The following CRISPLD1 variants were observed in gnomAD, a reference collection of about 807,000 sequenced individuals.
CRISPLD1 encodes cysteine-rich secretory protein LCCL domain-containing 1.
In CRISPLD1, 60 loss-of-function variants were observed where a neutral mutation model predicts 77.5. The ratio of observed to expected loss-of-function variants is 0.77; its 90% CI spans 0.63 to 0.96. The LOEUF (loss-of-function observed/expected upper bound fraction) is 0.96. CRISPLD1 is among the 40% of genes least tolerant of loss of function. The probability of loss-of-function intolerance (pLI) is 0.00; values close to 1 mark genes in which losing one functional copy is unlikely to be tolerated. For missense variants in CRISPLD1, 623 were observed against 615.8 expected, an observed-to-expected ratio of 1.01 and a Z score of -0.12; for synonymous variants, 195 against 200.1, an observed-to-expected ratio of 0.97 and a Z score of 0.22.
rs1474531069 is a variant in CRISPLD1 at position 74,985,972 on chromosome 8, C to A, written c.-16C>A. 6.2e-7 allele frequency: 1 copy of A among 1,601,982 alleles called. No individual in the cohort carries two copies. The highest frequency in any genetic ancestry group is 8.5e-7 in the Non-Finnish European group (1 of 1,171,030). On this transcript the variant is annotated 5_prime_UTR_variant, in exon 2 of 15. Coordinates refer to ENST00000262207, the MANE Select transcript of CRISPLD1 (RefSeq NM_031461.6). ...GTCTTGGAGATTTTCCTGGGGAAAT[C>A]CTGAGGTCATTCATTATGAAGTGTA... is the stretch of plus-strand genomic sequence containing the variant.
At position 75,033,083 on chromosome 8, in the gene CRISPLD1, C is replaced by T. The variant is rs1488722679; in HGVS notation, c.*841C>T. 6.6e-6 allele frequency: 1 copy of T among 152,202 alleles called. No individual in the cohort carries two copies. The highest frequency in any genetic ancestry group is 2.4e-5 in the African/African-American group (1 of 41,368). The allele number at this position is 152,202 out of a possible 1,614,324, so 9.4% of individuals were successfully genotyped here. On this transcript the variant is annotated 3_prime_UTR_variant, in exon 15 of 15. Coordinates refer to ENST00000262207, the MANE Select transcript of CRISPLD1 (RefSeq NM_031461.6). ...AACTAATGTATTACATTACCATTGCCACTGATTTTTTTTTAAATGGTAAAT... is the reference window on the plus strand; with the variant it reads ...AACTAATGTATTACATTACCATTGCTACTGATTTTTTTTTAAATGGTAAAT...
rs1812984185 is a variant in CRISPLD1, at chr8:75,014,067, C to T, written c.591C>T (p.Pro197=). 1.2e-6 allele frequency: 2 copies of T among 1,612,724 alleles called. No homozygotes were observed. The highest frequency in any genetic ancestry group is 1.3e-5 in the African/African-American group (1 of 74,880). The change falls in exon 5 of 15, where the codon CCC becomes CCT. Residue 197 remains proline (P), a synonymous_variant. Transcript: ENST00000262207. ...HNMNIWGQIW[P]KAVYLVCNYS... is the part of the protein sequence containing the mutation. ...TGAACATCTGGGGGCAGATATGGCCCAAAGCTGTCTACCTGGTGTGCAATT... is the reference window on the plus strand; with the variant it reads ...TGAACATCTGGGGGCAGATATGGCCTAAAGCTGTCTACCTGGTGTGCAATT...
chr8:75,025,679 C>A, intron 13 of CRISPLD1, 58 bp downstream of exon 13: 2 of 906,668 alleles, frequency 2.2e-6, no homozygotes, highest in Admixed American at 1.8e-5. Flanking sequence ...AATGTATAGA[C>A]ACATTTAAAT....
intron 2 of CRISPLD1, among the ~76,000 whole-genome samples, chr8:74,991,687 T>C (rs933478913): frequency 2.0e-5 from 3 of 152,154 alleles, no homozygotes; most frequent in Non-Finnish European, 4.4e-5. Context: ...TGTGTCACTT[T>C]GCCTGGCTAA....
At chr8:75,031,180 CAT>C (rs1354150810) in intron 14 of CRISPLD1, among the ~76,000 whole-genome samples, 3 of 152,020 alleles carry the variant, frequency 2.0e-5, no homozygotes, top group Non-Finnish European at 2.9e-5. Context: ...CATGCATGCA[CAT>C]GTGTGTATAT....
intron 2 of CRISPLD1, among the ~76,000 whole-genome samples, chr8:74,987,829 T>C (rs1285502629): frequency 6.6e-6 from 1 of 152,182 alleles, no homozygotes; most frequent in Non-Finnish European, 1.5e-5. Context: ...AAATGAAATC[T>C]GAGAATATTT....
chr8:75,025,665 T>C lies in CRISPLD1; in HGVS notation c.1320+44T>C, dbSNP rs749337591. 16 of 979,384 alleles carry C rather than the reference T, an allele frequency of 1.6e-5. No homozygotes were observed. The Admixed American group carries it at 2.6e-4, about 16-fold the overall frequency. 60.7% of individuals were successfully genotyped at this position (979,384 alleles called of 1,614,324 possible). On this transcript the variant is annotated intron_variant, in intron 13 of 14. Transcript: ENST00000262207. The stretch of plus-strand genomic sequence containing the variant: ...ACAGCTGTCAACATTCATGTATATA[T>C]ATAAATGTATAGACACATTTAAATG...
intron 2 of CRISPLD1, among the ~76,000 whole-genome samples, chr8:74,994,276 T>A (rs142995833): frequency 6.6e-6 from 1 of 152,274 alleles, no homozygotes; most frequent in African/African-American, 2.4e-5. Flanking sequence ...TATGTGATCA[T>A]AAAATTAATC....
At chr8:75,011,439 A>T (rs1812929563) in intron 2 of CRISPLD1, among the ~76,000 whole-genome samples, 1 of 151,830 alleles carries the variant, frequency 6.6e-6, no homozygotes. Flanking sequence ...TTCCATTCCC[A>T]GATTTGTTTT....
chr8:75,034,476 T>G lies in CRISPLD1; in HGVS notation c.*2234T>G, dbSNP rs1813413781. 6.6e-6 allele frequency: 1 copy of G among 152,126 alleles called. No individual in the cohort carries two copies. The highest frequency in any genetic ancestry group is 1.5e-5 in the Non-Finnish European group (1 of 67,952). The allele number at this position is 152,126 out of a possible 1,614,324, so 9.4% of individuals were successfully genotyped here. A position where few individuals can be genotyped will look rare whatever the true frequency, so the allele number is the denominator to read the frequency against. ...CATATACTATTGATCCTTTGGCACT[T>G]AAATAAATGTGAAATCCTCCAGGAA... is the stretch of plus-strand genomic sequence containing the variant. On this transcript the variant is annotated 3_prime_UTR_variant, in exon 15 of 15. Coordinates refer to ENST00000262207, the MANE Select transcript of CRISPLD1 (RefSeq NM_031461.6).
chr8:75,013,440 A>G (rs1269197810), intron 4 of CRISPLD1, among the ~76,000 whole-genome samples: 1 of 152,090 alleles, frequency 6.6e-6, no homozygotes, highest in Non-Finnish European at 1.5e-5. Context: ...TTCCAAATCA[A>G]ACAACTAAAG....
chr8:75,034,024 G>C lies in CRISPLD1; in HGVS notation c.*1782G>C, dbSNP rs556719455. On this transcript the variant is annotated 3_prime_UTR_variant, in exon 15 of 15. Transcript: ENST00000262207. ...TTTTCTTCTATTTGCCCTTAGTTTA[G>C]ATCTCCATCATCAATTCCACTTACT... 3.9e-5 allele frequency: 6 copies of C among 152,058 alleles called. No individual in the cohort carries two copies. The South Asian group carries it at 1.2e-3, about 32-fold the overall frequency. The allele number at this position is 152,058 out of a possible 1,614,324, so 9.4% of individuals were successfully genotyped here. A position where few individuals can be genotyped will look rare whatever the true frequency, so the allele number is the denominator to read the frequency against.
At chr8:74,996,625 A>G (rs1238973789) in intron 2 of CRISPLD1, among the ~76,000 whole-genome samples, 1 of 152,084 alleles carries the variant, frequency 6.6e-6, no homozygotes, top group African/African-American at 2.4e-5. Context: ...GGAATTTAAC[A>G]AAGAAGGACT....
chr8:74,988,114 C>G (rs1812522329), intron 2 of CRISPLD1, among the ~76,000 whole-genome samples: 1 of 152,066 alleles, frequency 6.6e-6, no homozygotes, highest in African/African-American at 2.4e-5. Context: ...AGTGCATTGC[C>G]CAACTGTAAT....
At chr8:74,998,210 A>C (rs1812674455) in intron 2 of CRISPLD1, among the ~76,000 whole-genome samples, 1 of 152,212 alleles carries the variant, frequency 6.6e-6, no homozygotes, top group African/African-American at 2.4e-5. Context: ...TCTTTTGTCC[A>C]GACACAGTGA....
chr8:75,005,547 A>G (rs1246218219), intron 2 of CRISPLD1, among the ~76,000 whole-genome samples: 1 of 152,124 alleles, frequency 6.6e-6, no homozygotes, highest in African/African-American at 2.4e-5. Flanking sequence ...TGACTTATAT[A>G]GGTCCAGAAC....
chr8:74,993,398 A>T lies in CRISPLD1; in HGVS notation c.258+7153A>T, dbSNP rs865985615. Among the ~76,000 whole-genome samples, 793 of 152,324 alleles carry T rather than the reference A, an allele frequency of 5.2e-3. 4 individuals carry two copies. The highest frequency in any genetic ancestry group is 0.018 in the African/African-American group (759 of 41,568). On this transcript the variant is annotated intron_variant, in intron 2 of 14. Coordinates refer to ENST00000262207, the MANE Select transcript of CRISPLD1 (RefSeq NM_031461.6). ...TGTTTAAAGAATATCATTATTACTT[A>T]AAATTACTAAAGTTCCCTTATTCTG... is the stretch of plus-strand genomic sequence containing the variant.
rs764967815 is a variant in CRISPLD1, at chr8:75,014,903, T to C, written c.718T>C (p.Cys240Arg). The C allele has an allele frequency of 6.4e-5, 100 of 1,569,568 alleles. No homozygotes were observed. The highest frequency in any genetic ancestry group is 8.2e-5 in the Non-Finnish European group (96 of 1,164,394). ...SFGGGCRENL[C>R]YKEGSDRYYP... ...TGGAGGGGGCTGTAGAGAAAATCTG[T>C]GCTACAAAGGTAAGTGCTATTGTGT... The change falls in exon 6 of 15, where the codon TGC becomes CGC. Residue 240 changes from cysteine to arginine, a missense_variant. Cys to Arg is a radical substitution (Grantham distance 180). Transcript: ENST00000262207.
Position 75,033,176 on chromosome 8 carries a change from T to C in CRISPLD1, c.*934T>C, listed in dbSNP as rs1813382989. 6.6e-6 allele frequency: 1 copy of C among 152,350 alleles called. No homozygotes were observed. The highest frequency in any genetic ancestry group is 2.1e-4 in the South Asian group (1 of 4,832). 9.4% of individuals were successfully genotyped at this position (152,350 alleles called of 1,614,324 possible). On this transcript the variant is annotated 3_prime_UTR_variant, in exon 15 of 15. Coordinates refer to ENST00000262207, the MANE Select transcript of CRISPLD1 (RefSeq NM_031461.6). ...GTGATATATTTGTTTCTATGAAAAA[T>C]GTATTGTGCTTTGATACTAAAAATC...
Sources: allele counts gnomAD v4.1 joint callset (sites outside exome capture counted in the v4.1 genomes callset), GRCh38; gene constraint gnomAD v4.1.1; transcripts MANE v1.5; gene names NCBI Gene and HGNC (gene_info 2026-07-23, HGNC 2026-07-21).